Variants in TXNL4A observed in about 807,000 individuals in gnomAD.
The protein encoded by TXNL4A is thioredoxin-like protein 4A.
Under a neutral mutation model 14.6 loss-of-function variants are expected in TXNL4A, and 17 were observed. That is an observed-to-expected ratio of 1.16 (90% CI 0.80 to 1.74). The LOEUF (loss-of-function observed/expected upper bound fraction) is 1.74, where lower values mean the gene tolerates loss of function less well. Ranked by LOEUF, TXNL4A falls within the 40% of genes most tolerant of loss-of-function variation. The pLI is 0.00. For synonymous variants in TXNL4A, 83 were observed against 70.6 expected (o/e 1.18, Z -0.88); for missense variants, 74 against 195.2 (o/e 0.38, Z 3.70).
intron 1 of TXNL4A, among the ~76,000 whole-genome samples, chr18:80,015,951 T>C (rs2145120180): frequency 7.3e-6 from 1 of 137,850 alleles, no homozygotes. Context: ...ACTTCCACAA[T>C]GGTTGAACTA....
At chr18:80,007,468 C>T (rs1237310129) in intron 1 of TXNL4A, among the ~76,000 whole-genome samples, 1 of 152,202 alleles carries the variant, frequency 6.6e-6, no homozygotes, top group Non-Finnish European at 1.5e-5. Context: ...CATACAATGC[C>T]TGAAATCTAT....
intron 1 of TXNL4A, among the ~76,000 whole-genome samples, chr18:79,981,059 T>G (rs2051456764): frequency 6.6e-6 from 1 of 152,206 alleles, no homozygotes; most frequent in Non-Finnish European, 1.5e-5. Flanking sequence ...ACAAAATACT[T>G]CCCTACAGAA....
intron 1 of TXNL4A, among the ~76,000 whole-genome samples, chr18:79,985,266 T>C (rs1358723231): frequency 6.6e-6 from 1 of 152,210 alleles, no homozygotes; most frequent in Non-Finnish European, 1.5e-5. Context: ...AGAAAACTTT[T>C]TTTTTTTGAG....
At chr18:79,997,093 ACTC>A (rs1300052048) in intron 1 of TXNL4A, among the ~76,000 whole-genome samples, 1 of 151,134 alleles carries the variant, frequency 6.6e-6, no homozygotes, top group Admixed American at 6.6e-5. Context: ...AAACAGTAAA[ACTC>A]CTTTTAGCTT....
At chr18:80,029,813 T>C (rs1296512140) in intron 1 of TXNL4A, among the ~76,000 whole-genome samples, 1 of 152,008 alleles carries the variant, frequency 6.6e-6, no homozygotes, top group African/African-American at 2.4e-5. Flanking sequence ...ACAAACATAA[T>C]CAACCCAACT....
chr18:80,033,591 G>A lies in TXNL4A; in HGVS notation c.-61+260C>T, dbSNP rs548119396. Among the ~76,000 whole-genome samples the A allele has an allele frequency of 4.5e-4, 69 of 152,384 alleles. 1 individual carries two copies. The South Asian group carries it at 0.014, about 30-fold the overall frequency. On this transcript the variant is annotated intron_variant, in intron 1 of 2. Transcript: ENST00000585474. ...GACCCCTCGCAGCCTCCCGCCGACAGCGGCCCTGCCCAGGTCTCCAGGCTT... is the reference window on the plus strand; with the variant it reads ...GACCCCTCGCAGCCTCCCGCCGACAACGGCCCTGCCCAGGTCTCCAGGCTT...
intron 1 of TXNL4A, among the ~76,000 whole-genome samples, chr18:80,012,242 T>C (rs1024758845): frequency 1.2e-4 from 19 of 152,342 alleles, no homozygotes; most frequent in African/African-American, 3.4e-4. Context: ...ATTCCTGGTT[T>C]TTCTAATATA....
intron 1 of TXNL4A, among the ~76,000 whole-genome samples, chr18:80,003,245 G>C (rs2051709072): frequency 6.6e-6 from 1 of 152,236 alleles, no homozygotes; most frequent in South Asian, 2.1e-4. Context: ...ACATCCTCAA[G>C]AGCTCATGGG....
chr18:80,021,505 A>G (rs2051848775), intron 1 of TXNL4A, among the ~76,000 whole-genome samples: 1 of 152,188 alleles, frequency 6.6e-6, no homozygotes, highest in Non-Finnish European at 1.5e-5. Flanking sequence ...AAAGCAAACA[A>G]GTATTGGGAG....
chr18:80,024,392 T>G (rs527956223), intron 1 of TXNL4A, among the ~76,000 whole-genome samples: 108 of 152,226 alleles, frequency 7.1e-4, no homozygotes, highest in Non-Finnish European at 1.4e-3. Context: ...ACTTCCTGCT[T>G]ACACTTGGAG....
At chr18:79,977,540 A>G (rs2051397122) in intron 2 of TXNL4A, 58 bp downstream of exon 2, 1 of 1,347,624 alleles carries the variant, frequency 7.4e-7, no homozygotes, top group African/African-American at 1.5e-5. Flanking sequence ...GATCTTGATT[A>G]CATTAAGCTT....
At chr18:79,979,934 G>T (rs2051438205) in intron 1 of TXNL4A, among the ~76,000 whole-genome samples, 1 of 152,182 alleles carries the variant, frequency 6.6e-6, no homozygotes, top group Admixed American at 6.5e-5. Flanking sequence ...GAGTTAAACT[G>T]TGTCCCCAAA....
Position 79,973,476 on chromosome 18 carries a change from T to C in TXNL4A, c.*209A>G, listed in dbSNP as rs2051330826. 1 of 508,432 alleles carries C rather than the reference T, an allele frequency of 2.0e-6. No individual in the cohort carries two copies. Among genetic ancestry groups the C allele is most frequent in the Non-Finnish European group, 3.3e-6 (1 of 301,768 alleles). 31.5% of individuals were successfully genotyped at this position (508,432 alleles called of 1,614,324 possible). A position where few individuals can be genotyped will look rare whatever the true frequency, so the allele number is the denominator to read the frequency against. ...TTTGACTAGGAAAATCAGTAATCTA[T>C]TCATTAAGTTTCCTGAGAACAAACA... On this transcript the variant is annotated 3_prime_UTR_variant, in exon 3 of 3. Transcript: ENST00000269601.
chr18:79,980,521 T>C (rs966803851), intron 1 of TXNL4A, among the ~76,000 whole-genome samples: 3 of 151,874 alleles, frequency 2.0e-5, no homozygotes, highest in East Asian at 1.9e-4. Flanking sequence ...AGTGGAACAA[T>C]AGGAACAGAC....
chr18:79,995,105 G>A (rs1023940087), intron 1 of TXNL4A: 9 of 152,186 alleles, frequency 5.9e-5, no homozygotes, highest in African/African-American at 1.2e-4. Context: ...GCTGAGTTGC[G>A]AGGCATAAAG....
intron 1 of TXNL4A, among the ~76,000 whole-genome samples, chr18:80,007,615 G>A (rs1200863122): frequency 3.3e-5 from 5 of 151,762 alleles, no homozygotes; most frequent in Admixed American, 3.3e-4. Flanking sequence ...TTTTAATCAG[G>A]TACTGAGTAT....
rs996127230 is a variant in TXNL4A at position 79,986,409 on chromosome 18, G to C, written c.153+1831C>G. Among the ~76,000 whole-genome samples, 3 of 150,960 alleles carry C rather than the reference G, an allele frequency of 2.0e-5. No individual in the cohort carries two copies. In the East Asian group the frequency reaches 5.8e-4, roughly 29 times the overall value. On this transcript the variant is annotated intron_variant, in intron 1 of 2. Coordinates refer to ENST00000269601, the MANE Select transcript of TXNL4A (RefSeq NM_006701.5). ...ATTAATAAAGCTATCCAAATTTTTG[G>C]ACAAAAACAAAAATCAGACTATTTT...
At position 79,973,022 on chromosome 18, in the gene TXNL4A, T is replaced by A. The variant is rs1369227497; in HGVS notation, c.*663A>T. ...CCTCAGACTGTGACTTTTGTGGACA[T>A]AAGATCCTTGCAAATGTAATTAGTT... On this transcript the variant is annotated 3_prime_UTR_variant, in exon 3 of 3. Transcript: ENST00000269601. 1 of 152,166 alleles carries A rather than the reference T, an allele frequency of 6.6e-6. No individual in the cohort carries two copies. The highest frequency in any genetic ancestry group is 1.5e-5 in the Non-Finnish European group (1 of 68,050). 9.4% of individuals were successfully genotyped at this position (152,166 alleles called of 1,614,324 possible).
chr18:80,028,034 A>G (rs115494781), intron 1 of TXNL4A, among the ~76,000 whole-genome samples: 2,782 of 152,294 alleles, frequency 0.018, 84 homozygotes, highest in African/African-American at 0.064. Flanking sequence ...ACAATCAGCT[A>G]TACAACAAAT....
Sources: allele counts gnomAD v4.1 joint callset (sites outside exome capture counted in the v4.1 genomes callset), GRCh38; gene constraint gnomAD v4.1.1; transcripts MANE v1.5; gene names NCBI Gene and HGNC (gene_info 2026-07-23, HGNC 2026-07-21).